Variants in MID2 observed in about 807,000 individuals in gnomAD.
MID2 encodes the protein probable E3 ubiquitin-protein ligase MID2.
In MID2, 13 loss-of-function variants were observed where a neutral mutation model predicts 46.1. The ratio of observed to expected loss-of-function variants is 0.28; its 90% CI spans 0.18 to 0.45. The LOEUF (loss-of-function observed/expected upper bound fraction) is 0.45, where lower values mean the gene tolerates loss of function less well. Ranked by LOEUF, MID2 falls within the 20% of genes least tolerant of loss-of-function variation. The pLI is 1.00. For missense variants in MID2, 431 were observed against 575.4 expected (o/e 0.75, Z 2.57); for synonymous variants, 199 against 212.3 (o/e 0.94, Z 0.55).
chrX:107,913,343 A>G (rs1342610680), intron 5 of MID2, among the ~76,000 whole-genome samples: 1 of 112,064 alleles, frequency 8.9e-6, no homozygotes, highest in Non-Finnish European at 1.9e-5. Context: ...TTAGACAATC[A>G]GGCTACATAT....
intron 3 of MID2, among the ~76,000 whole-genome samples, chrX:107,891,716 C>T (rs775330488): frequency 3.4e-4 from 38 of 112,089 alleles, no homozygotes; most frequent in African/African-American, 7.5e-4. Context: ...CAGAGTTCAG[C>T]GTTGGTTATT....
At chrX:107,901,073 A>T (rs1932791220) in intron 3 of MID2, 1 of 112,280 alleles carries the variant, frequency 8.9e-6, no homozygotes, top group Non-Finnish European at 1.9e-5. Context: ...TTGCAACAAC[A>T]GTCCTATCAC....
At chrX:107,907,584 A>G (rs1271567469) in intron 5 of MID2, among the ~76,000 whole-genome samples, 1 of 110,759 alleles carries the variant, frequency 9.0e-6, no homozygotes. Flanking sequence ...CTTCACATCC[A>G]TTTTTAACCC....
At chrX:107,860,650 G>A (rs950099696) in intron 3 of MID2, among the ~76,000 whole-genome samples, 1 of 112,256 alleles carries the variant, frequency 8.9e-6, no homozygotes, top group African/African-American at 3.2e-5. Context: ...TGTGCATTTT[G>A]AAAATTAAAT....
At chrX:107,826,910 C>G (rs1469059637) in intron 1 of MID2, among the ~76,000 whole-genome samples, 1 of 113,392 alleles carries the variant, frequency 8.8e-6, no homozygotes, top group Non-Finnish European at 1.9e-5. Context: ...GACGCCCTGC[C>G]GGCGGGGAGG....
chrX:107,886,255 G>A (rs1044139470), intron 3 of MID2, among the ~76,000 whole-genome samples: 3 of 112,085 alleles, frequency 2.7e-5, no homozygotes, highest in African/African-American at 9.7e-5. Context: ...TATGCTTTTA[G>A]GTCTAACATT....
intron 3 of MID2, among the ~76,000 whole-genome samples, chrX:107,887,350 T>C (rs1313331962): frequency 1.8e-5 from 2 of 112,400 alleles, no homozygotes; most frequent in African/African-American, 6.5e-5. Flanking sequence ...TTGAATTTTG[T>C]CAAAGGTCTT....
chrX:107,926,633 T>C (rs1210237986), intron 9 of MID2, 38 bp from the exon 10 acceptor site: 1 of 1,151,123 alleles, frequency 8.7e-7, no homozygotes, highest in Non-Finnish European at 1.2e-6. Context: ...AGATAATTCA[T>C]AAATGTTTAT....
At chrX:107,885,700 G>A (rs765456134) in intron 3 of MID2, among the ~76,000 whole-genome samples, 1 of 111,938 alleles carries the variant, frequency 8.9e-6, no homozygotes, top group Admixed American at 9.4e-5. Flanking sequence ...TCGCAACACT[G>A]ACTTCCACAA....
intron 1 of MID2, among the ~76,000 whole-genome samples, chrX:107,839,031 C>T (rs1931269313): frequency 9.0e-6 from 1 of 110,585 alleles, no homozygotes; most frequent in Non-Finnish European, 1.9e-5. Flanking sequence ...GCAGGAGGAT[C>T]GCTTGAGCCC....
intron 2 of MID2, among the ~76,000 whole-genome samples, chrX:107,851,830 G>A (rs745783692): frequency 1.9e-5 from 2 of 107,878 alleles, no homozygotes; most frequent in African/African-American, 6.7e-5. Context: ...CCCTGAATAT[G>A]CCATATATTT....
chrX:107,873,856 G>C (rs1932131965), intron 3 of MID2, among the ~76,000 whole-genome samples: 1 of 110,874 alleles, frequency 9.0e-6, no homozygotes, highest in Admixed American at 9.6e-5. Context: ...CATTACCTGT[G>C]AGGAAGTTTC....
chrX:107,866,103 A>AATTTGTGGT (rs1476465768), intron 3 of MID2, among the ~76,000 whole-genome samples: 1 of 112,014 alleles, frequency 8.9e-6, no homozygotes, highest in Non-Finnish European at 1.9e-5. Context: ...ACTCCTGCCA[A>AATTTGTGGT]ATTTGTGGTG....
chrX:107,921,313 G>A (rs1026789849), intron 7 of MID2, among the ~76,000 whole-genome samples: 3 of 111,007 alleles, frequency 2.7e-5, no homozygotes, highest in African/African-American at 9.8e-5. Flanking sequence ...CTTTCTTAGG[G>A]TATAATATCT....
At chrX:107,878,654 GGCC>G (rs1932253754) in intron 3 of MID2, among the ~76,000 whole-genome samples, 1 of 111,908 alleles carries the variant, frequency 8.9e-6, no homozygotes, top group Non-Finnish European at 1.9e-5. Context: ...GAGTGGCATT[GGCC>G]AGATGCCTTC....
Position 107,927,848 on chromosome X carries a change from G to A in MID2, c.*775G>A, listed in dbSNP as rs1933211566. ...TTATTTCCTCCCTCTATCCATCATT[G>A]CCTTCCTCCCTCCTGTCACGCACAC... On this transcript the variant is annotated 3_prime_UTR_variant, in exon 10 of 10. Coordinates refer to ENST00000262843, the MANE Select transcript of MID2 (RefSeq NM_012216.4). 9.0e-6 allele frequency among the ~76,000 whole-genome samples: 1 copy of A among 111,188 alleles called. No individual in the cohort carries two copies. The highest frequency in any genetic ancestry group is 1.9e-5 in the Non-Finnish European group (1 of 52,964).
intron 4 of MID2, 82 bp from the exon 5 acceptor site, chrX:107,905,396 C>T: frequency 1.5e-6 from 1 of 680,961 alleles, no homozygotes; most frequent in Non-Finnish European, 2.2e-6. Flanking sequence ...CTGCAGCATG[C>T]CTCCTTCATG....
chrX:107,840,243 CAT>C (rs34853484), intron 1 of MID2, among the ~76,000 whole-genome samples: 4,910 of 111,963 alleles, frequency 0.044, 119 homozygotes, highest in Middle Eastern at 0.19. Flanking sequence ...CTGGATGTCA[CAT>C]AGAAGCAGCC....
chrX:107,894,630 C>T (rs909786261), intron 3 of MID2: 6 of 111,388 alleles, frequency 5.4e-5, no homozygotes, highest in Admixed American at 9.5e-5. Context: ...TACACACATT[C>T]ATTCATTCAA....
Sources: gnomAD v4.1 joint callset for allele counts (sites outside exome capture counted in the v4.1 genomes callset) on GRCh38, gnomAD v4.1.1 for gene constraint, MANE v1.5 for transcripts, NCBI Gene and HGNC (gene_info 2026-07-23, HGNC 2026-07-21) for gene names.